Variants in NLGN1 observed in about 807,000 individuals in gnomAD.
The protein encoded by NLGN1 is neuroligin-1.
In NLGN1, 12 loss-of-function variants were observed where a neutral mutation model predicts 65.5. The observed-to-expected ratio is 0.18, with a 90% CI of 0.12 to 0.30. The LOEUF (loss-of-function observed/expected upper bound fraction) is 0.30, where lower values mean the gene tolerates loss of function less well. Ranked by LOEUF, NLGN1 falls within the 10% of genes least tolerant of loss-of-function variation. The pLI is 1.00. For missense variants in NLGN1, 750 were observed against 1,007.1 expected (o/e 0.74, Z 3.46); for synonymous variants, 350 against 359.5 (o/e 0.97, Z 0.30).
At chr3:173,481,953 A>G (rs1034585008) in intron 2 of NLGN1, among the ~76,000 whole-genome samples, 2 of 151,860 alleles carry the variant, frequency 1.3e-5, no homozygotes, top group Non-Finnish European at 2.9e-5. Context: ...GACACATTTT[A>G]TGTTTGTTAT....
intron 4 of NLGN1, among the ~76,000 whole-genome samples, chr3:174,076,359 G>A (rs912329324): frequency 1.2e-4 from 18 of 151,838 alleles, no homozygotes; most frequent in African/African-American, 3.4e-4. Context: ...TGGTTTAGCC[G>A]TTTGAAGAGC....
At chr3:173,894,888 C>T (rs369709987) in intron 4 of NLGN1, among the ~76,000 whole-genome samples, 22 of 146,654 alleles carry the variant, frequency 1.5e-4, no homozygotes, top group African/African-American at 4.3e-4. Flanking sequence ...CCACCCGCCT[C>T]GGCCTCCCAA....
intron 2 of NLGN1, among the ~76,000 whole-genome samples, chr3:173,493,609 C>A (rs868445530): frequency 6.6e-6 from 1 of 151,782 alleles, no homozygotes; most frequent in Non-Finnish European, 1.5e-5. Flanking sequence ...TCAGTGTTAA[C>A]AGCAAACACA....
At chr3:173,749,817 A>G (rs2150149928) in intron 3 of NLGN1, among the ~76,000 whole-genome samples, 1 of 152,242 alleles carries the variant, frequency 6.6e-6, no homozygotes, top group East Asian at 1.9e-4. Flanking sequence ...GTGCTCTTCC[A>G]TTACCTGATT....
At chr3:173,562,416 A>C (rs1261695898) in intron 2 of NLGN1, among the ~76,000 whole-genome samples, 1 of 151,986 alleles carries the variant, frequency 6.6e-6, no homozygotes, top group African/African-American at 2.4e-5. Flanking sequence ...AAATATAAAA[A>C]ATTGACTGGG....
intron 4 of NLGN1, among the ~76,000 whole-genome samples, chr3:173,906,693 A>G (rs981081219): frequency 2.0e-5 from 3 of 151,978 alleles, no homozygotes; most frequent in Non-Finnish European, 4.4e-5. Context: ...TAAATTAAAT[A>G]TTAAAAATGT....
At chr3:173,788,036 AT>A (rs1341196654) in intron 3 of NLGN1, among the ~76,000 whole-genome samples, 1 of 152,080 alleles carries the variant, frequency 6.6e-6, no homozygotes, top group African/African-American at 2.4e-5. Flanking sequence ...TCCATAAAAA[AT>A]ATTGGCTTTT....
At chr3:173,881,226 G>A (rs974262778) in intron 4 of NLGN1, among the ~76,000 whole-genome samples, 2 of 150,840 alleles carry the variant, frequency 1.3e-5, no homozygotes, top group Admixed American at 1.3e-4. Flanking sequence ...AGCCCCCAGA[G>A]TAGCTGGGAC....
rs11344890 is a variant in NLGN1, at chr3:173,408,911, CAA to C, written c.-390+10439_-390+10440del. On this transcript the variant is annotated intron_variant, in intron 1 of 6. Coordinates refer to ENST00000457714, the Ensembl canonical transcript of NLGN1. ...TGGGCAACAGAGCGAGACTCTGTCT[CAA>C]AAAAAAAAAAAAAAGAATAGGTGCA... Among the ~76,000 whole-genome samples the C allele has an allele frequency of 8.2e-4, 102 of 124,800 alleles. 1 individual carries two copies. The highest frequency in any genetic ancestry group is 4.8e-4 in the Non-Finnish European group (28 of 58,920). The allele number at this position is 124,800 out of a possible 152,430, so 81.9% of individuals were successfully genotyped here.
At chr3:173,396,339 T>C (rs1716633478), upstream of NLGN1, 2 of 152,280 alleles carry the variant, frequency 1.3e-5, no homozygotes, top group African/African-American at 4.8e-5. Context: ...CTGGATACAT[T>C]TGGCTTGCCA....
intron 1 of NLGN1, among the ~76,000 whole-genome samples, chr3:173,419,318 G>A (rs1714525854): frequency 6.7e-6 from 1 of 150,084 alleles, no homozygotes; most frequent in Admixed American, 6.6e-5. Flanking sequence ...ATGTCTCTGG[G>A]TGAAGGGGGG....
At chr3:173,950,687 C>T in intron 4 of NLGN1, among the ~76,000 whole-genome samples, 1 of 150,996 alleles carries the variant, frequency 6.6e-6, no homozygotes, top group East Asian at 2.0e-4. Flanking sequence ...GTGGTGCACA[C>T]CTATAATCCC....
chr3:174,275,719 G>A (rs893471209), intron 5 of NLGN1, among the ~76,000 whole-genome samples, 192 bp downstream of exon 5: 1 of 151,662 alleles, frequency 6.6e-6, no homozygotes, highest in African/African-American at 2.4e-5. Context: ...GTCTCCTGTG[G>A]AGCTTGGTAA....
chr3:173,663,912 G>A (rs1293118379), intron 3 of NLGN1, among the ~76,000 whole-genome samples: 1 of 150,882 alleles, frequency 6.6e-6, no homozygotes, highest in Non-Finnish European at 1.5e-5. Flanking sequence ...AATCCTGCCT[G>A]ATGAGTAGGA....
chr3:173,685,766 CT>C (rs35720118), intron 3 of NLGN1: 13 of 985,170 alleles, frequency 1.3e-5, no homozygotes, highest in Non-Finnish European at 1.4e-5. Flanking sequence ...TGTGCTGGGG[CT>C]TTTTGTATGT....
intron 2 of NLGN1, chr3:173,435,211 T>C (rs1212801934): frequency 6.6e-6 from 1 of 152,584 alleles, no homozygotes; most frequent in Non-Finnish European, 1.5e-5. Flanking sequence ...TTTTGTTCCA[T>C]TGATTTTTCT....
intron 4 of NLGN1, among the ~76,000 whole-genome samples, chr3:173,983,767 A>T (rs1719284000): frequency 6.6e-6 from 1 of 152,070 alleles, no homozygotes; most frequent in South Asian, 2.1e-4. Context: ...AGACTTCATA[A>T]ACTCCCCAAG....
intron 4 of NLGN1, among the ~76,000 whole-genome samples, chr3:173,869,846 C>T (rs1730850884): frequency 6.6e-6 from 1 of 152,042 alleles, no homozygotes; most frequent in Non-Finnish European, 1.5e-5. Flanking sequence ...TTGCTGTTTG[C>T]ATCAGATGTT....
At chr3:174,245,961 C>G (rs1382025338) in intron 4 of NLGN1, among the ~76,000 whole-genome samples, 1 of 152,092 alleles carries the variant, frequency 6.6e-6, no homozygotes, top group Admixed American at 6.6e-5. Flanking sequence ...AGAATTGTAC[C>G]CATTGTCAAT....
Sources: gnomAD v4.1 joint callset for allele counts (sites outside exome capture counted in the v4.1 genomes callset) on GRCh38, gnomAD v4.1.1 for gene constraint, MANE v1.5 for transcripts, NCBI Gene and HGNC (gene_info 2026-07-23, HGNC 2026-07-21) for gene names.